Variants in SNRPA1 observed in about 807,000 individuals in gnomAD.
SNRPA1 encodes the protein U2 small nuclear ribonucleoprotein A'.
SNRPA1 carries 5 observed loss-of-function variants against 32.3 expected under a neutral mutation model. That is an observed-to-expected ratio of 0.15 (90% CI 0.08 to 0.33). SNRPA1 has a LOEUF of 0.33. SNRPA1 is among the 10% of genes least tolerant of loss of function. SNRPA1 has a pLI of 1.00. For missense variants in SNRPA1, 198 were observed against 311.1 expected (o/e 0.64, Z 2.74); for synonymous variants, 111 against 120.1 (o/e 0.92, Z 0.50).
chr15:101,287,328 TC>T (rs1004276822), intron 4 of SNRPA1, among the ~76,000 whole-genome samples: 1 of 152,116 alleles, frequency 6.6e-6, no homozygotes, highest in South Asian at 2.1e-4. Context: ...ATGCTTTCCC[TC>T]CCCCCTTTCC....
Position 101,286,205 on chromosome 15 carries a change from G to A in SNRPA1, c.539+9C>T, listed in dbSNP as rs373055038. On this transcript the variant is annotated intron_variant, in intron 6 of 8. Coordinates refer to ENST00000254193, the MANE Select transcript of SNRPA1 (RefSeq NM_003090.4). ...TGAAGTAGAGTTAAGTTGGATATCC[G>A]TGTCTTACGTTTTGCTTCTCCTGGC... The A allele has an allele frequency of 1.1e-4, 175 of 1,610,194 alleles. No homozygotes were observed. In the Admixed American group the frequency reaches 2.4e-3, roughly 22 times the overall value.
chr15:101,292,037 A>T lies in SNRPA1; in HGVS notation c.234T>A (p.Arg78=). 6.2e-7 allele frequency: 1 copy of T among 1,606,812 alleles called. No homozygotes were observed. Among genetic ancestry groups the T allele is most frequent in the East Asian group, 2.2e-5 (1 of 44,838 alleles). ...TLLVNNNRIC[R]IGEGLDQALP... The stretch of plus-strand genomic sequence containing the variant: ...GAGCCTGATCAAGTCCCTCACCTAT[A>T]CGGCTAAAATAAAAATAGAGTCTTA... The change falls in exon 3 of 9, where the codon CGT becomes CGA. Residue 78 remains arginine, a synonymous_variant. Transcript: ENST00000254193.
chr15:101,287,581 A>T, intron 4 of SNRPA1, 75 bp downstream of exon 4: 1 of 1,244,256 alleles, frequency 8.0e-7, no homozygotes, highest in Non-Finnish European at 1.2e-6. Context: ...TTATCTGATT[A>T]CATTAAGGTC....
Position 101,295,001 on chromosome 15 carries a change from G to A in SNRPA1, c.82+96C>T, listed in dbSNP as rs2039572113. 5.6e-5 allele frequency: 43 copies of A among 767,156 alleles called. No individual in the cohort carries two copies. In the South Asian group the frequency reaches 9.4e-4, roughly 17 times the overall value. 47.5% of individuals were successfully genotyped at this position (767,156 alleles called of 1,614,324 possible). A position where few individuals can be genotyped will look rare whatever the true frequency, so the allele number is the denominator to read the frequency against. ...GTCGGAGCCCAGACAACCGGCCCGCGGGCCAAGCTCCGGCCTTCGGTGCAC... is the reference window on the plus strand; with the variant it reads ...GTCGGAGCCCAGACAACCGGCCCGCAGGCCAAGCTCCGGCCTTCGGTGCAC... On this transcript the variant is annotated intron_variant, in intron 1 of 8. Transcript: ENST00000254193.
intron 8 of SNRPA1, among the ~76,000 whole-genome samples, chr15:101,283,623 ACCATACAGTAGAGAATTACTGGTCTT>A (rs1463409686): frequency 6.6e-6 from 1 of 151,832 alleles, no homozygotes; most frequent in Non-Finnish European, 1.5e-5. Flanking sequence ...AGGCCCACAA[ACCATACAGTAGAGAATTACTGGTCTT>A]AAAAAATTTC....
chr15:101,294,946 A>C, intron 1 of SNRPA1, 151 bp downstream of exon 1: 1 of 497,054 alleles, frequency 2.0e-6, no homozygotes. Flanking sequence ...CAACGGCAAG[A>C]ATCAGGCCCG....
intron 8 of SNRPA1, among the ~76,000 whole-genome samples, chr15:101,282,413 C>A: frequency 6.6e-6 from 1 of 152,150 alleles, no homozygotes; most frequent in East Asian, 1.9e-4. Flanking sequence ...TTTTGATTGA[C>A]GGGCATGAAG....
At chr15:101,284,851 G>C in intron 8 of SNRPA1, 116 bp downstream of exon 8, 1 of 777,470 alleles carries the variant, frequency 1.3e-6, no homozygotes, top group Non-Finnish European at 2.3e-6. Context: ...TCATATATTA[G>C]ATTTGATGTA....
chr15:101,286,788 CTT>C (rs2039459877), intron 5 of SNRPA1, 118 bp downstream of exon 5: 1 of 624,906 alleles, frequency 1.6e-6, no homozygotes, highest in African/African-American at 1.8e-5. Flanking sequence ...TTCCCTCCCA[CTT>C]TTATTACAAA....
At chr15:101,291,869 A>C in intron 3 of SNRPA1, 93 bp downstream of exon 3, 1 of 751,830 alleles carries the variant, frequency 1.3e-6, no homozygotes, top group East Asian at 2.7e-5. Flanking sequence ...GAGGATACTG[A>C]GATCATTTTC....
rs147560644 is a variant in SNRPA1, at chr15:101,285,741, A to C, written c.600T>G (p.Asp200Glu). 6.1e-5 allele frequency: 99 copies of C among 1,613,218 alleles called. No individual in the cohort carries two copies. Among genetic ancestry groups the C allele is most frequent in the Non-Finnish European group, 7.9e-5 (93 of 1,179,272 alleles). Residue 200 changes from aspartate to glutamate, a missense_variant, in exon 7 of 9, where the codon GAT becomes GAG. Asp to Glu is a conservative substitution (Grantham distance 45). This residue lies in a region of SNRPA1 where 77 missense variants were observed against 120.1 expected (regional missense o/e 0.64). Transcript: ENST00000254193. ...DKKKGGPSPG[D>E]VEAIKNAIAN... Reference sequence around the variant, plus strand: ...ACATGATTACCTTGATTGCTTCTACATCCCCTGGAGATGGCCCACCTTTCT... The same window carrying C: ...ACATGATTACCTTGATTGCTTCTACCTCCCCTGGAGATGGCCCACCTTTCT...
intron 1 of SNRPA1, chr15:101,294,724 A>G (rs4965820): frequency 0.37 from 90,389 of 247,368 alleles, 16,896 homozygotes; most frequent in African/African-American, 0.45. Context: ...GGCGGCAAGT[A>G]TTAAGAACCA....
intron 6 of SNRPA1, 167 bp from the exon 7 acceptor site, chr15:101,285,968 T>C: frequency 1.6e-6 from 1 of 637,830 alleles, no homozygotes; most frequent in East Asian, 2.7e-5. Context: ...TTCATCTTCC[T>C]ATATAGAAAA....
rs2039438204 is a variant in SNRPA1 at position 101,284,925 on chromosome 15, T to G, written c.709+42A>C. ...AAATGGTTGTGAGTTACACTCTGAG[T>G]GTAACATTAATTTGAACATACAAAG... is the stretch of plus-strand genomic sequence containing the variant. On this transcript the variant is annotated intron_variant, in intron 8 of 8. Coordinates refer to ENST00000254193, the MANE Select transcript of SNRPA1 (RefSeq NM_003090.4). 2.1e-6 allele frequency: 3 copies of G among 1,444,492 alleles called. No individual in the cohort carries two copies. The East Asian group carries it at 6.8e-5, about 33-fold the overall frequency. 89.5% of individuals were successfully genotyped at this position (1,444,492 alleles called of 1,614,324 possible).
chr15:101,294,527 C>A (rs1313227767), intron 1 of SNRPA1, among the ~76,000 whole-genome samples: 1 of 152,182 alleles, frequency 6.6e-6, no homozygotes, highest in Non-Finnish European at 1.5e-5. Flanking sequence ...ACACAGCACC[C>A]GGCGGTGCAA....
chr15:101,291,841 T>C (rs987217295), intron 3 of SNRPA1, 121 bp downstream of exon 3: 7 of 622,904 alleles, frequency 1.1e-5, no homozygotes, highest in Admixed American at 2.7e-5. Flanking sequence ...GATCCTGAAT[T>C]AAGAAAAAGA....
chr15:101,288,584 TA>T (rs2039483179), intron 3 of SNRPA1: 2 of 152,072 alleles, frequency 1.3e-5, no homozygotes, highest in African/African-American at 4.8e-5. Flanking sequence ...AATTGTTCCA[TA>T]AAACATAGTG....
chr15:101,294,510 A>T (rs1219032943), intron 1 of SNRPA1, among the ~76,000 whole-genome samples: 1 of 152,206 alleles, frequency 6.6e-6, no homozygotes, highest in Non-Finnish European at 1.5e-5. Flanking sequence ...GCGCTTCCAC[A>T]ACTTACACAC....
intron 7 of SNRPA1, 130 bp from the exon 8 acceptor site, chr15:101,285,190 G>A (rs1285075371): frequency 1.1e-5 from 7 of 623,322 alleles, no homozygotes; most frequent in African/African-American, 1.8e-5. Context: ...ATACTTTGGT[G>A]TAGGGGGAAG....
Sources: allele counts gnomAD v4.1 joint callset (sites outside exome capture counted in the v4.1 genomes callset), GRCh38; gene constraint gnomAD v4.1.1; regional missense constraint gnomAD v4.1.1; transcripts MANE v1.5; gene names NCBI Gene and HGNC (gene_info 2026-07-23, HGNC 2026-07-21).